The following DCHS1 variants were observed in gnomAD, a reference collection of about 807,000 sequenced individuals.
DCHS1 encodes protocadherin-16.
DCHS1 carries 78 observed loss-of-function variants against 213.9 expected under a neutral mutation model. The observed-to-expected ratio is 0.36, with a 90% CI of 0.30 to 0.44. The LOEUF (loss-of-function observed/expected upper bound fraction) is 0.44, where lower values mean the gene tolerates loss of function less well. DCHS1 is among the 20% of genes least tolerant of loss of function. The pLI is 1.00. For missense variants in DCHS1, 3,946 were observed against 4,395.9 expected (o/e 0.90, Z 2.89); for synonymous variants, 1,828 against 1,873.7 (o/e 0.98, Z 0.63).
rs1409107625 is a variant in DCHS1, at chr11:6,623,426, T to C, written c.8250A>G (p.Pro2750=). ...CAAATGCCTCACGGCCCTCAGGTCC[T>C]GGCCCAGCCTCCAACAGGCTGTAAC... ...RLRYSLLEAG[P]GPEGREAFAL... The change falls in exon 21 of 21, where the codon CCA becomes CCG. Residue 2750 remains proline (P), a synonymous_variant. Transcript: ENST00000299441. The C allele has an allele frequency of 3.8e-6, 6 of 1,587,642 alleles. No individual in the cohort carries two copies. The highest frequency in any genetic ancestry group is 2.6e-6 in the Non-Finnish European group (3 of 1,167,148).
In DCHS1 at chr11:6,634,038, C is replaced by A. The variant is rs781041661; in HGVS notation, c.1987-18G>T. Reference sequence around the variant, plus strand: ...AGGCCTCCCTGGTGGGACATGCAGCCATAGGTCAGGTGGGCCTCATCTGGC... The same window carrying A: ...AGGCCTCCCTGGTGGGACATGCAGCAATAGGTCAGGTGGGCCTCATCTGGC... On this transcript the variant is annotated intron_variant, in intron 3 of 20. Coordinates refer to ENST00000299441, the MANE Select transcript of DCHS1 (RefSeq NM_003737.4). The A allele has an allele frequency of 6.2e-7, 1 of 1,611,696 alleles. No individual in the cohort carries two copies. Among genetic ancestry groups the A allele is most frequent in the Admixed American group, 1.7e-5 (1 of 59,890 alleles).
Position 6,623,675 on chromosome 11 carries a change from A to G in DCHS1, c.8001T>C (p.Cys2667=). Residue 2667 remains cysteine (C), a synonymous_variant, in exon 21 of 21, where the codon TGT becomes TGC. Transcript: ENST00000299441. Reference sequence around the variant, plus strand: ...CAAGCTGATGTCGAGCCTGGGTCTCACAGTCCAGGGCATGGGCCAGTCGCA... The same window carrying G: ...CAAGCTGATGTCGAGCCTGGGTCTCGCAGTCCAGGGCATGGGCCAGTCGCA... ...GTLRLAHALD[C]ETQARHQLVV... 6.2e-7 allele frequency: 1 copy of G among 1,613,838 alleles called. No individual in the cohort carries two copies. The highest frequency in any genetic ancestry group is 8.5e-7 in the Non-Finnish European group (1 of 1,179,900).
intron 1 of DCHS1, among the ~76,000 whole-genome samples, chr11:6,651,395 G>T (rs1856240484): frequency 6.6e-6 from 1 of 152,200 alleles, no homozygotes; most frequent in South Asian, 2.1e-4. Flanking sequence ...ACGTGAGGGG[G>T]CTGGGGAAAT....
At chr11:6,624,912 CCCTGCTGT>C (rs772006722) in intron 19 of DCHS1, 44 bp from the exon 20 acceptor site, 2 of 1,608,652 alleles carry the variant, frequency 1.2e-6, no homozygotes, top group African/African-American at 2.7e-5. Flanking sequence ...TTCCCATTTG[CCCTGCTGT>C]CCATGCAGCC....
Position 6,640,822 on chromosome 11 carries a change from C to T in DCHS1, c.792G>A (p.Val264=), listed in dbSNP as rs754981163. ...AFNQSRYHAV[V]SESLAPGSPV... ...GACTGCCAGGGGCCAGGCTCTCAGA[C>T]ACCACAGCATGGTAGCGGCTCTGAT... Residue 264 remains valine (V), a synonymous_variant, in exon 2 of 21, where the codon GTG becomes GTA. Coordinates refer to ENST00000299441, the MANE Select transcript of DCHS1 (RefSeq NM_003737.4). The surrounding 1 kb of genome is among the most constrained non-coding windows in gnomAD (Gnocchi z 6.5). 1.9e-6 allele frequency: 3 copies of T among 1,614,066 alleles called. No homozygotes were observed. Among genetic ancestry groups the T allele is most frequent in the Non-Finnish European group, 1.7e-6 (2 of 1,179,908 alleles).
At chr11:6,651,824 A>T (rs1361000079) in intron 1 of DCHS1, among the ~76,000 whole-genome samples, 1 of 152,136 alleles carries the variant, frequency 6.6e-6, no homozygotes, top group Non-Finnish European at 1.5e-5. Flanking sequence ...CTGAGTGGGG[A>T]TGGTCATTTG....
In DCHS1 at chr11:6,626,979, G is replaced by T; in HGVS notation, c.6060C>A (p.Ile2020=). 1 of 1,613,784 alleles carries T rather than the reference G, an allele frequency of 6.2e-7. No homozygotes were observed. Among genetic ancestry groups the T allele is most frequent in the East Asian group, 2.2e-5 (1 of 44,884 alleles). Residue 2020 remains isoleucine, a synonymous_variant, in exon 14 of 21, where the codon ATC becomes ATA. Coordinates refer to ENST00000299441, the MANE Select transcript of DCHS1 (RefSeq NM_003737.4). The surrounding 1 kb of genome is among the most constrained non-coding windows in gnomAD (Gnocchi z 5.2). The part of the protein sequence containing the change: ...GTTVDSYTGE[I]RVARSPVALG... ...GAGCTACAGGAGAGCGGGCCACGCG[G>T]ATTTCACCAGTGTAAGAGTCCACAG...
Position 6,634,235 on chromosome 11 carries a change from G to A in DCHS1, c.1869C>T (p.Ser623=), listed in dbSNP as rs1460894132. 2.5e-6 allele frequency: 4 copies of A among 1,613,808 alleles called. No individual in the cohort carries two copies. The East Asian group carries it at 8.9e-5, about 36-fold the overall frequency. ...CAATGCGGAATGGGGGAGATCCGGA[G>A]GACCCAAGTCCAGCACCCAAGGAAT... is the stretch of plus-strand genomic sequence containing the variant. ...LSYSLGAGLG[S]SGSPPFRIDA... Residue 623 remains serine, a synonymous_variant, in exon 3 of 21, where the codon TCC becomes TCT. Transcript: ENST00000299441.
chr11:6,625,935 A>G lies in DCHS1; in HGVS notation c.6716T>C (p.Ile2239Thr), dbSNP rs1203006217. Residue 2239 changes from isoleucine (I) to threonine (T), a missense_variant, in exon 17 of 21, where the codon ATC becomes ACC. This residue lies in a region of DCHS1 where 3,384 missense variants were observed against 3,780.1 expected (regional missense o/e 0.90). Coordinates refer to ENST00000299441, the MANE Select transcript of DCHS1 (RefSeq NM_003737.4). The surrounding 1 kb of genome is among the most constrained non-coding windows in gnomAD (Gnocchi z 5.3). The part of the protein sequence containing the change: ...ITTTAILDRE[I>T]WAETRLVLMA... ...CAGGCCTCACCGTGTTTCAGCCCAGATCTCACGGTCCAGGATGGCTGTGGT... is the reference window on the plus strand; with the variant it reads ...CAGGCCTCACCGTGTTTCAGCCCAGGTCTCACGGTCCAGGATGGCTGTGGT... 6.2e-7 allele frequency: 1 copy of G among 1,613,402 alleles called. No homozygotes were observed. Among genetic ancestry groups the G allele is most frequent in the African/African-American group, 1.3e-5 (1 of 74,924 alleles).
chr11:6,630,299 G>T lies in DCHS1; in HGVS notation c.4495C>A (p.Arg1499Ser). The change falls in exon 10 of 21, where the codon CGC becomes AGC. Residue 1499 changes from arginine (R) to serine (S), a missense_variant. By Grantham distance (110) the Arg-to-Ser change is moderately radical. Around this residue, in one of 3 missense-constraint regions of DCHS1, gnomAD observed 3,384 missense variants for 3,780.1 expected, o/e 0.90. Transcript: ENST00000299441. ...DARTGALSAP[R>S]GLDRETTPAL... ...GGAGTGGTCTCTCGGTCCAGGCCGC[G>T]CGGAGCGCTGAGCGCCCCGGTGCGC... is the stretch of plus-strand genomic sequence containing the variant. 1.4e-6 allele frequency: 2 copies of T among 1,469,464 alleles called. No individual in the cohort carries two copies. Among genetic ancestry groups the T allele is most frequent in the Non-Finnish European group, 1.8e-6 (2 of 1,115,556 alleles). 91.0% of individuals were successfully genotyped at this position (1,469,464 alleles called of 1,614,324 possible).
At chr11:6,639,536 AG>A (rs1440081052) in intron 2 of DCHS1, among the ~76,000 whole-genome samples, 1 of 152,186 alleles carries the variant, frequency 6.6e-6, no homozygotes, top group Non-Finnish European at 1.5e-5. Flanking sequence ...AACAGCTTTG[AG>A]GCTTTCATTT....
chr11:6,655,447 C>G (rs954504950), intron 1 of DCHS1, 116 bp downstream of exon 1: 2 of 680,410 alleles, frequency 2.9e-6, no homozygotes, highest in Non-Finnish European at 3.6e-6. Flanking sequence ...CCCCCCTCCC[C>G]CATTGTCTCC....
intron 1 of DCHS1, among the ~76,000 whole-genome samples, chr11:6,652,888 C>T (rs1856264387): frequency 6.6e-6 from 1 of 152,198 alleles, no homozygotes; most frequent in African/African-American, 2.4e-5. Context: ...AAACCATCCA[C>T]TTTCTCCTTC....
chr11:6,627,608 G>C lies in DCHS1; in HGVS notation c.5431C>G (p.Arg1811Gly). 6.2e-7 allele frequency: 1 copy of C among 1,613,082 alleles called. No individual in the cohort carries two copies. Among genetic ancestry groups the C allele is most frequent in the Non-Finnish European group, 8.5e-7 (1 of 1,179,744 alleles). ...DLASGEFGTM[R>G]PLDREVEPAF... ...GGCTCCACTTCTCTGTCTAGTGGCCGCATGGTGCCAAACTCTCCAGAAGCA... is the reference window on the plus strand; with the variant it reads ...GGCTCCACTTCTCTGTCTAGTGGCCCCATGGTGCCAAACTCTCCAGAAGCA... Residue 1811 changes from arginine (R) to glycine (G), a missense_variant, in exon 14 of 21, where the codon CGG becomes GGG. This residue lies in a region of DCHS1 where 3,384 missense variants were observed against 3,780.1 expected (regional missense o/e 0.90). Coordinates refer to ENST00000299441, the MANE Select transcript of DCHS1 (RefSeq NM_003737.4). This position sits in a 1 kb window ranked among gnomAD's most constrained non-coding sequence, Gnocchi z 5.4.
rs138340204 is a variant in DCHS1 at position 6,632,354 on chromosome 11, C to G, written c.3158G>C (p.Trp1053Ser). Residue 1053 changes from tryptophan to serine, a missense_variant, in exon 6 of 21, where the codon TGG becomes TCG. Physicochemically the swap from Trp to Ser is radical, Grantham distance 177. This residue lies in a region of DCHS1 where 3,384 missense variants were observed against 3,780.1 expected (regional missense o/e 0.90). Coordinates refer to ENST00000299441, the MANE Select transcript of DCHS1 (RefSeq NM_003737.4). The surrounding 1 kb of genome is among the most constrained non-coding windows in gnomAD (Gnocchi z 5.9). ...SPFGLEPQSG[W>S]LWVRAALDRE... is the part of the protein sequence containing the mutation. ...GTCTAGTGCTGCCCGCACCCATAGCCACCCACTCTGTGGCTCCAGGCCAAA... is the reference window on the plus strand; with the variant it reads ...GTCTAGTGCTGCCCGCACCCATAGCGACCCACTCTGTGGCTCCAGGCCAAA... The G allele has an allele frequency of 5.3e-3, 8,519 of 1,613,954 alleles. 37 individuals carry two copies. Among genetic ancestry groups the G allele is most frequent in the Non-Finnish European group, 6.5e-3 (7,634 of 1,179,846 alleles).
At position 6,628,526 on chromosome 11, in the gene DCHS1, G is replaced by A; in HGVS notation, c.5371+95C>T. ...TGGACGACATCAAGAGGGAAAAGGAGACCCAGACACATGCACTGAGGCTGA... is the reference window on the plus strand; with the variant it reads ...TGGACGACATCAAGAGGGAAAAGGAAACCCAGACACATGCACTGAGGCTGA... On this transcript the variant is annotated intron_variant, in intron 13 of 20. Coordinates refer to ENST00000299441, the MANE Select transcript of DCHS1 (RefSeq NM_003737.4). This position sits in a 1 kb window ranked among gnomAD's most constrained non-coding sequence, Gnocchi z 4.3. 1 of 1,399,998 alleles carries A rather than the reference G, an allele frequency of 7.1e-7. No homozygotes were observed. Among genetic ancestry groups the A allele is most frequent in the Non-Finnish European group, 1.0e-6 (1 of 993,504 alleles). 86.7% of individuals were successfully genotyped at this position (1,399,998 alleles called of 1,614,324 possible).
chr11:6,630,957 T>A, intron 9 of DCHS1, 94 bp from the exon 10 acceptor site: 1 of 1,515,290 alleles, frequency 6.6e-7, no homozygotes, highest in South Asian at 1.3e-5. Flanking sequence ...GTGGTCAGAG[T>A]AGCCTGACTG....
At chr11:6,635,393 TAGTG>T (rs1462660556) in intron 2 of DCHS1, among the ~76,000 whole-genome samples, 1 of 152,200 alleles carries the variant, frequency 6.6e-6, no homozygotes, top group African/African-American at 2.4e-5. Context: ...AGGCCCTCAA[TAGTG>T]GGTTAGCTGG....
chr11:6,630,936 G>C, intron 9 of DCHS1, 73 bp from the exon 10 acceptor site: 1 of 1,497,852 alleles, frequency 6.7e-7, no homozygotes, highest in South Asian at 1.3e-5. Flanking sequence ...GGCTTCCCAG[G>C]TGGTAGGAAA....
Sources: gnomAD v4.1 joint callset for allele counts (sites outside exome capture counted in the v4.1 genomes callset) on GRCh38, gnomAD v4.1.1 for gene constraint, gnomAD v4.1.1 regional missense constraint, Gnocchi (gnomAD v3.1) non-coding constraint, MANE v1.5 for transcripts, NCBI Gene and HGNC (gene_info 2026-07-23, HGNC 2026-07-21) for gene names.